CDC42SE2: variants seen among roughly 807,000 people sequenced by gnomAD.
CDC42SE2 encodes CDC42 small effector protein 2.
Under a neutral mutation model 11.5 loss-of-function variants are expected in CDC42SE2, and 3 were observed. That is an observed-to-expected ratio of 0.26 (90% CI 0.12 to 0.67). The LOEUF is 0.67. CDC42SE2 is among the 30% of genes least tolerant of loss of function. The pLI, the probability that CDC42SE2 is intolerant of heterozygous loss-of-function variation, is 0.80. For synonymous variants in CDC42SE2, 33 were observed against 34.8 expected, an observed-to-expected ratio of 0.95 and a Z score of 0.18; for missense variants, 82 against 106.8, an observed-to-expected ratio of 0.77 and a Z score of 1.02.
rs1427826201 is a variant in CDC42SE2 at position 131,376,106 on chromosome 5, G to A, written c.55-9437G>A. Among the ~76,000 whole-genome samples the A allele has an allele frequency of 2.0e-5, 3 of 152,164 alleles. No individual in the cohort carries two copies. The Middle Eastern group carries it at 0.01, about 518-fold the overall frequency. On this transcript the variant is annotated intron_variant, in intron 3 of 4. Coordinates refer to ENST00000505065, the MANE Select transcript of CDC42SE2 (RefSeq NM_001375635.1). ...TACAAAAAATTAGATGGGCATGGTG[G>A]TGCATGCCTGTAATTCCAGCTACTC... is the stretch of plus-strand genomic sequence containing the variant.
the CDC42SE2 span, among the ~76,000 whole-genome samples, chr5:131,238,908 A>G: frequency 6.6e-6 from 1 of 152,104 alleles, no homozygotes; most frequent in Non-Finnish European, 1.5e-5. Flanking sequence ...CTGTAGTCCC[A>G]GCACTTTGGG....
intron 1 of CDC42SE2, among the ~76,000 whole-genome samples, chr5:131,309,782 C>CGGT (rs556910145): frequency 0.026 from 3,892 of 151,974 alleles, 70 homozygotes; most frequent in Non-Finnish European, 0.039. Context: ...TCTGTGGGAT[C>CGGT]GGTGGTGATA....
chr5:131,371,774 C>A (rs1406856165), intron 3 of CDC42SE2, among the ~76,000 whole-genome samples: 8 of 152,048 alleles, frequency 5.3e-5, no homozygotes, highest in African/African-American at 1.9e-4. Flanking sequence ...AAATGAACAC[C>A]CATGTTGGAT....
At chr5:131,354,457 T>G (rs1256088879) in intron 2 of CDC42SE2, among the ~76,000 whole-genome samples, 1 of 152,162 alleles carries the variant, frequency 6.6e-6, no homozygotes, top group East Asian at 1.9e-4. Context: ...TGCTTTAATT[T>G]TATATGTATG....
the CDC42SE2 span, among the ~76,000 whole-genome samples, chr5:131,233,244 T>C: frequency 6.6e-6 from 1 of 152,118 alleles, no homozygotes; most frequent in Non-Finnish European, 1.5e-5. Flanking sequence ...TTATAATTTA[T>C]ATAAATATTT....
At chr5:131,319,800 C>G (rs1758122683) in intron 2 of CDC42SE2, among the ~76,000 whole-genome samples, 1 of 151,874 alleles carries the variant, frequency 6.6e-6, no homozygotes, top group South Asian at 2.1e-4. Context: ...GCCTGTAATC[C>G]CAGCACTTTG....
At chr5:131,316,997 A>C (rs927926496) in intron 2 of CDC42SE2, among the ~76,000 whole-genome samples, 1 of 152,152 alleles carries the variant, frequency 6.6e-6, no homozygotes, top group Admixed American at 6.5e-5. Flanking sequence ...TTATATTCCT[A>C]TTGTATCTGA....
chr5:131,385,603 G>A lies in CDC42SE2; in HGVS notation c.115G>A (p.Ala39Thr). 1.2e-6 allele frequency: 2 copies of A among 1,613,796 alleles called. No homozygotes were observed. Among genetic ancestry groups the A allele is most frequent in the East Asian group, 2.2e-5 (1 of 44,874 alleles). The change falls in exon 4 of 5, where the codon GCT (alanine) becomes ACT (threonine). Residue 39 changes from alanine to threonine, a missense_variant. Physicochemically the swap from Ala to Thr is moderately conservative, Grantham distance 58 (BLOSUM62 0). Coordinates refer to ENST00000505065, the MANE Select transcript of CDC42SE2 (RefSeq NM_001375635.1). The stretch of plus-strand genomic sequence containing the variant: ...AGAGCCCACAAACTTTGTGCATACA[G>A]CTCATGTTGGATCAGGAGACCTGTT... ...IGEPTNFVHT[A>T]HVGSGDLFSG...
At chr5:131,337,588 A>G (rs1758604428) in intron 2 of CDC42SE2, among the ~76,000 whole-genome samples, 1 of 152,222 alleles carries the variant, frequency 6.6e-6, no homozygotes, top group Admixed American at 6.5e-5. Flanking sequence ...AGAGGCAGGC[A>G]GGCCTTCTTG....
intron 3 of CDC42SE2, among the ~76,000 whole-genome samples, chr5:131,373,567 T>C (rs1434495730): frequency 6.6e-6 from 1 of 152,220 alleles, no homozygotes; most frequent in African/African-American, 2.4e-5. Context: ...ATCTGATCAC[T>C]GTTCATTGAA....
At chr5:131,275,188 A>G (rs1757075858) in intron 1 of CDC42SE2, among the ~76,000 whole-genome samples, 1 of 152,198 alleles carries the variant, frequency 6.6e-6, no homozygotes, top group Non-Finnish European at 1.5e-5. Flanking sequence ...AGCACCTTAA[A>G]AAAACCTATT....
At chr5:131,291,626 T>A (rs1046776534) in intron 1 of CDC42SE2, among the ~76,000 whole-genome samples, 5 of 152,198 alleles carry the variant, frequency 3.3e-5, no homozygotes, top group East Asian at 1.9e-4. Flanking sequence ...ATAACTTTTT[T>A]AAAAATATGA....
the CDC42SE2 span, among the ~76,000 whole-genome samples, chr5:131,223,929 A>G: frequency 6.6e-6 from 1 of 152,172 alleles, no homozygotes; most frequent in East Asian, 1.9e-4. Flanking sequence ...CCAAGGGTCA[A>G]TCCTGAGTCC....
intron 1 of CDC42SE2, among the ~76,000 whole-genome samples, chr5:131,270,785 C>A (rs1756979594): frequency 6.6e-6 from 1 of 152,190 alleles, no homozygotes; most frequent in Admixed American, 6.6e-5. Context: ...TTGTAGATTT[C>A]AGAACTTTTC....
the CDC42SE2 span, among the ~76,000 whole-genome samples, chr5:131,217,104 A>G: frequency 0.045 from 6,907 of 152,278 alleles, 393 homozygotes; most frequent in African/African-American, 0.13. Context: ...TTGGTGGCAG[A>G]CTACAGCAGG....
chr5:131,342,470 A>C (rs1399331594), intron 2 of CDC42SE2, among the ~76,000 whole-genome samples: 1 of 134,358 alleles, frequency 7.4e-6, no homozygotes, highest in Non-Finnish European at 1.6e-5. Context: ...GCCCACTGCA[A>C]CCTCCGCCTC....
At chr5:131,259,492 TAAC>T (rs1756705715), upstream of CDC42SE2, among the ~76,000 whole-genome samples, 1 of 151,314 alleles carries the variant, frequency 6.6e-6, no homozygotes, top group Admixed American at 6.6e-5. Context: ...CTCAGAAAAA[TAAC>T]AATTAAATCT....
chr5:131,327,782 T>A (rs1758327235), intron 2 of CDC42SE2, among the ~76,000 whole-genome samples: 1 of 152,202 alleles, frequency 6.6e-6, no homozygotes, highest in Non-Finnish European at 1.5e-5. Flanking sequence ...TGAGTTAAAT[T>A]ATGGGTTAGT....
At position 131,393,923 on chromosome 5, in the gene CDC42SE2, G is replaced by A. The variant is rs953440424; in HGVS notation, c.*2832G>A. 3.6e-5 allele frequency: 5 copies of A among 139,732 alleles called. No individual in the cohort carries two copies. Among genetic ancestry groups the A allele is most frequent in the Admixed American group, 3.2e-4 (4 of 12,378 alleles). 8.7% of individuals were successfully genotyped at this position (139,732 alleles called of 1,614,324 possible). A position where few individuals can be genotyped will look rare whatever the true frequency, so the allele number is the denominator to read the frequency against. On this transcript the variant is annotated 3_prime_UTR_variant, in exon 5 of 5. Transcript: ENST00000505065. ...GGACTTGTCAGCCTATAACTACTCT[G>A]CAGCTGCCACTAACTCTACAGGCAC...
Sources: allele counts gnomAD v4.1 joint callset (sites outside exome capture counted in the v4.1 genomes callset), GRCh38; gene constraint gnomAD v4.1.1; transcripts MANE v1.5; gene names NCBI Gene and HGNC (gene_info 2026-07-23, HGNC 2026-07-21).